Variants in TMEM132D observed in about 807,000 individuals in gnomAD.
TMEM132D encodes the protein transmembrane protein 132D, also known as mature OL transmembrane protein.
TMEM132D carries 21 observed loss-of-function variants against 62.3 expected under a neutral mutation model. The ratio of observed to expected loss-of-function variants is 0.34; its 90% CI spans 0.24 to 0.49. The LOEUF (loss-of-function observed/expected upper bound fraction) is 0.49, where lower values mean the gene tolerates loss of function less well. Ranked by LOEUF, TMEM132D falls within the 20% of genes least tolerant of loss-of-function variation. The probability of loss-of-function intolerance (pLI) is 0.99; values close to 1 mark genes in which losing one functional copy is unlikely to be tolerated. For missense variants in TMEM132D, 1,346 were observed against 1,402.8 expected (o/e 0.96, Z 0.65); for synonymous variants, 621 against 575.6 (o/e 1.08, Z -1.13).
At chr12:129,511,654 C>T (rs1179397814) in intron 3 of TMEM132D, among the ~76,000 whole-genome samples, 1 of 152,168 alleles carries the variant, frequency 6.6e-6, no homozygotes, top group East Asian at 1.9e-4. Context: ...AATCTCTGTT[C>T]AAATATGTTG....
intron 3 of TMEM132D, among the ~76,000 whole-genome samples, chr12:129,500,078 T>C (rs1460920530): frequency 6.7e-6 from 1 of 148,384 alleles, no homozygotes; most frequent in Non-Finnish European, 1.5e-5. Flanking sequence ...ATACATACCC[T>C]GAGCGGGGAG....
intron 2 of TMEM132D, among the ~76,000 whole-genome samples, chr12:129,580,653 G>A (rs1035367736): frequency 3.3e-5 from 5 of 152,020 alleles, no homozygotes; most frequent in Admixed American, 2.6e-4. Context: ...GCAGTAAGCC[G>A]AGATCGCGCC....
At chr12:129,148,628 T>A (rs1876980868) in intron 5 of TMEM132D, among the ~76,000 whole-genome samples, 1 of 152,164 alleles carries the variant, frequency 6.6e-6, no homozygotes, top group Non-Finnish European at 1.5e-5. Flanking sequence ...ACTTCTGACT[T>A]CCAGATCTCT....
intron 3 of TMEM132D, among the ~76,000 whole-genome samples, chr12:129,395,791 G>GATAAA (rs1871409714): frequency 2.5e-4 from 23 of 92,058 alleles, no homozygotes; most frequent in South Asian, 5.0e-4. Context: ...TATATATCTA[G>GATAAA]ATATATTTCT....
chr12:129,772,649 TCTTTC>T (rs1158634230), intron 1 of TMEM132D, among the ~76,000 whole-genome samples: 2 of 152,292 alleles, frequency 1.3e-5, no homozygotes, highest in East Asian at 3.9e-4. Flanking sequence ...CTGTTCCTAC[TCTTTC>T]ATTTCCCCTG....
In TMEM132D at chr12:129,691,805, T is replaced by A. The variant is rs538611632; in HGVS notation, c.968+8005A>T. 8.9e-3 allele frequency among the ~76,000 whole-genome samples: 1,350 copies of A among 151,980 alleles called. 13 individuals carry two copies. Among genetic ancestry groups the A allele is most frequent in the Non-Finnish European group, 0.015 (1,023 of 67,920 alleles). ...AAGCAAAACAACTCCGCTCAAAAAA[T>A]AATACTAAATACAGCAGCTAACTCT... On this transcript the variant is annotated intron_variant, in intron 2 of 8. Transcript: ENST00000422113.
intron 1 of TMEM132D, among the ~76,000 whole-genome samples, chr12:129,707,135 G>A (rs1881523430): frequency 6.8e-6 from 1 of 147,722 alleles, no homozygotes; most frequent in African/African-American, 2.5e-5. Flanking sequence ...AAATCAAAGA[G>A]GTGTTGCATT....
rs1016824679 is a variant in TMEM132D, at chr12:129,205,490, A to G, written c.1443+4030T>C. ...ATTATCCTAACTATACATGCATCCA[A>G]TTCAGGGGCATCCAAATTCATAAAG... On this transcript the variant is annotated intron_variant, in intron 5 of 8. Coordinates refer to ENST00000422113, the MANE Select transcript of TMEM132D (RefSeq NM_133448.3). Among the ~76,000 whole-genome samples the G allele has an allele frequency of 4.6e-5, 7 of 152,208 alleles. No individual in the cohort carries two copies. The East Asian group carries it at 7.7e-4, about 17-fold the overall frequency.
At chr12:129,612,761 T>C (rs1382160433) in intron 2 of TMEM132D, among the ~76,000 whole-genome samples, 1 of 152,060 alleles carries the variant, frequency 6.6e-6, no homozygotes, top group Non-Finnish European at 1.5e-5. Flanking sequence ...AGTCTGACCT[T>C]TTGCCCCTGA....
intron 2 of TMEM132D, among the ~76,000 whole-genome samples, chr12:129,549,487 C>T (rs896886561): frequency 1.3e-5 from 2 of 152,124 alleles, no homozygotes; most frequent in African/African-American, 2.4e-5. Context: ...AAGAGGAAAC[C>T]CCTTTGGCTT....
At chr12:129,481,776 T>G (rs1460038128) in intron 3 of TMEM132D, among the ~76,000 whole-genome samples, 1 of 152,124 alleles carries the variant, frequency 6.6e-6, no homozygotes, top group African/African-American at 2.4e-5. Flanking sequence ...AAATTAAAAC[T>G]GCACATATCC....
chr12:129,573,012 A>C (rs957533407), intron 2 of TMEM132D, among the ~76,000 whole-genome samples: 3 of 152,206 alleles, frequency 2.0e-5, no homozygotes, highest in Admixed American at 2.0e-4. Context: ...CACATTGAAA[A>C]GATGTTACTT....
At chr12:129,890,801 C>T (rs1282498961) in intron 1 of TMEM132D, among the ~76,000 whole-genome samples, 2 of 152,218 alleles carry the variant, frequency 1.3e-5, no homozygotes, top group East Asian at 1.9e-4. Context: ...TATCATATTA[C>T]GTTTATAATT....
chr12:129,841,790 T>C (rs1873200418), intron 1 of TMEM132D, among the ~76,000 whole-genome samples: 1 of 152,134 alleles, frequency 6.6e-6, no homozygotes, highest in African/African-American at 2.4e-5. Flanking sequence ...AACTCAGGAA[T>C]AGTCTACTGA....
chr12:129,632,111 T>C (rs1879360225), intron 2 of TMEM132D, among the ~76,000 whole-genome samples: 1 of 152,214 alleles, frequency 6.6e-6, no homozygotes, highest in Non-Finnish European at 1.5e-5. Context: ...GGTATTTCGG[T>C]GCTGACTTAT....
At chr12:129,244,628 T>TTTTTGTTTTG (rs528876499) in intron 4 of TMEM132D, among the ~76,000 whole-genome samples, 6 of 152,044 alleles carry the variant, frequency 3.9e-5, no homozygotes, top group Admixed American at 1.3e-4. Context: ...TTTTGTTTTA[T>TTTTTGTTTTG]TTTTGTTTTG....
At chr12:129,631,688 C>A (rs780547849) in intron 2 of TMEM132D, among the ~76,000 whole-genome samples, 2 of 152,292 alleles carry the variant, frequency 1.3e-5, no homozygotes, top group Non-Finnish European at 2.9e-5. Flanking sequence ...CACCTAGAGA[C>A]AAAGTGAGTG....
chr12:129,690,223 C>T (rs610524), intron 2 of TMEM132D, among the ~76,000 whole-genome samples: 1 of 151,908 alleles, frequency 6.6e-6, no homozygotes, highest in Non-Finnish European at 1.5e-5. Context: ...AGAATCAGTA[C>T]ACCAAGAGAG....
intron 4 of TMEM132D, among the ~76,000 whole-genome samples, chr12:129,331,319 T>A (rs1869098078): frequency 6.6e-6 from 1 of 152,340 alleles, no homozygotes; most frequent in South Asian, 2.1e-4. Context: ...TCTGTATGTA[T>A]CCTTATGCCA....
Sources: allele counts gnomAD v4.1 joint callset (sites outside exome capture counted in the v4.1 genomes callset), GRCh38; gene constraint gnomAD v4.1.1; transcripts MANE v1.5; gene names NCBI Gene and HGNC (gene_info 2026-07-23, HGNC 2026-07-21).